CUL9: variants seen among roughly 807,000 people sequenced by gnomAD.
The protein encoded by CUL9 is cullin 9, also known as cullin-9.
CUL9 carries 79 observed loss-of-function variants against 272.6 expected under a neutral mutation model. The observed-to-expected ratio is 0.29, with a 90% CI of 0.24 to 0.35. The LOEUF is 0.35. CUL9 is among the 10% of genes least tolerant of loss of function. CUL9 has a pLI of 1.00. For synonymous variants in CUL9, 1,186 were observed against 1,286.5 expected, an observed-to-expected ratio of 0.92 and a Z score of 1.67; for missense variants, 2,532 against 3,255.6, an observed-to-expected ratio of 0.78 and a Z score of 5.41.
At chr6:43,222,686 T>A in intron 37 of CUL9, 45 bp downstream of exon 37, 1 of 1,606,678 alleles carries the variant, frequency 6.2e-7, no homozygotes, top group Non-Finnish European at 8.5e-7. Flanking sequence ...GTGTGCCAAA[T>A]GGGTCTGGGG....
At chr6:43,209,056 G>C (rs564053426) in intron 26 of CUL9, among the ~76,000 whole-genome samples, 1 of 151,592 alleles carries the variant, frequency 6.6e-6, no homozygotes, top group South Asian at 2.1e-4. Context: ...GGCTGTTCTC[G>C]AACTCCTGCC....
At position 43,199,914 on chromosome 6, in the gene CUL9, TG is replaced by T; in HGVS notation, c.3157-13del. On this transcript the variant is annotated splice_polypyrimidine_tract_variant and intron_variant, in intron 13 of 40. Transcript: ENST00000252050. The surrounding 1 kb of genome is among the most constrained non-coding windows in gnomAD (Gnocchi z 4.4). Reference sequence around the variant, plus strand: ...CTTGTTTCCTGTAAATTAATCTATGTGGCTCTGGGCTCAGATTGTTCAGGAG... The same window carrying T: ...CTTGTTTCCTGTAAATTAATCTATGTGCTCTGGGCTCAGATTGTTCAGGAG... The T allele has an allele frequency of 6.3e-7, 1 of 1,597,930 alleles. No individual in the cohort carries two copies. The highest frequency in any genetic ancestry group is 8.6e-7 in the Non-Finnish European group (1 of 1,165,466).
intron 8 of CUL9, among the ~76,000 whole-genome samples, chr6:43,190,569 C>A (rs1773373500): frequency 6.6e-6 from 1 of 152,136 alleles, no homozygotes; most frequent in Non-Finnish European, 1.5e-5. Flanking sequence ...GCCATTAAGA[C>A]AGAGACAATC....
chr6:43,193,434 A>G lies in CUL9; in HGVS notation c.2388+226A>G, dbSNP rs1375840626. On this transcript the variant is annotated intron_variant, in intron 9 of 40. Coordinates refer to ENST00000252050, the MANE Select transcript of CUL9 (RefSeq NM_015089.4). ...TTTTTGTTGGAGACAGGATCTTGCT[A>G]TGTTGCCCAGACTGATCTTGAACTC... 2.6e-5 allele frequency among the ~76,000 whole-genome samples: 4 copies of G among 152,130 alleles called. No homozygotes were observed. In the South Asian group the frequency reaches 6.2e-4, roughly 24 times the overall value.
chr6:43,224,004 T>C lies in CUL9; in HGVS notation c.7285-91T>C, dbSNP rs1776598970. On this transcript the variant is annotated intron_variant, in intron 39 of 40. Coordinates refer to ENST00000252050, the MANE Select transcript of CUL9 (RefSeq NM_015089.4). The surrounding 1 kb of genome is among the most constrained non-coding windows in gnomAD (Gnocchi z 4.2). ...GAGGGGAGCAGTCCTAGCAGGAGCT[T>C]GGCCCTCCCAGAGCATCAGTGGAAG... 8.1e-7 allele frequency: 1 copy of C among 1,239,538 alleles called. No homozygotes were observed. Among genetic ancestry groups the C allele is most frequent in the African/African-American group, 1.5e-5 (1 of 67,514 alleles). 76.8% of individuals were successfully genotyped at this position (1,239,538 alleles called of 1,614,324 possible).
intron 36 of CUL9, 25 bp downstream of exon 36, chr6:43,222,415 A>T (rs540643432): frequency 1.7e-5 from 21 of 1,223,318 alleles, no homozygotes; most frequent in Non-Finnish European, 2.4e-5. Context: ...AACAGCGGGT[A>T]GATGCCTGCA....
At position 43,184,692 on chromosome 6, in the gene CUL9, A is replaced by G; in HGVS notation, c.382A>G (p.Arg128Gly). The G allele has an allele frequency of 6.2e-7, 1 of 1,613,438 alleles. No individual in the cohort carries two copies. Among genetic ancestry groups the G allele is most frequent in the Non-Finnish European group, 8.5e-7 (1 of 1,179,386 alleles). The change falls in exon 2 of 41, where the codon AGG becomes GGG. Residue 128 changes from arginine to glycine, a missense_variant. By Grantham distance (125) the Arg-to-Gly change is moderately radical. Around this residue, in one of 3 missense-constraint regions of CUL9, gnomAD observed 2,218 missense variants for 2,788.6 expected, o/e 0.80. Coordinates refer to ENST00000252050, the MANE Select transcript of CUL9 (RefSeq NM_015089.4). This position sits in a 1 kb window ranked among gnomAD's most constrained non-coding sequence, Gnocchi z 4.8. ...TCAGGCGCTGGTACGCAGGGCGGCC[A>G]GGCAGCTGGCAGAAAGTGGGACCCC... is the stretch of plus-strand genomic sequence containing the variant. Reference protein sequence around the residue: ...DVQALVRRAARQLAESGTPSL... With the variant: ...DVQALVRRAAGQLAESGTPSL...
At chr6:43,194,515 T>C (rs1366127624) in intron 9 of CUL9, among the ~76,000 whole-genome samples, 1 of 150,158 alleles carries the variant, frequency 6.7e-6, no homozygotes, top group Non-Finnish European at 1.5e-5. Context: ...GAGACGGGGT[T>C]TCACCATGTT....
rs1774847299 is a variant in CUL9 at position 43,203,984 on chromosome 6, C to T, written c.4156C>T (p.Pro1386Ser). 4 of 1,595,942 alleles carry T rather than the reference C, an allele frequency of 2.5e-6. No individual in the cohort carries two copies. The highest frequency in any genetic ancestry group is 2.6e-6 in the Non-Finnish European group (3 of 1,167,816). ...VSPLVQNITS[P>S]DAEGVSALGW... The stretch of plus-strand genomic sequence containing the variant: ...CCCCCTGGTGCAGAACATCACCTCT[C>T]CCGGTAACCATGCTGACACCTGGCC... The change falls in exon 20 of 41, where the codon CCC (proline) becomes TCC (serine). Residue 1386 changes from proline to serine, a missense_variant. Physicochemically the swap from Pro to Ser is moderately conservative, Grantham distance 74. Transcript: ENST00000252050. This position sits in a 1 kb window ranked among gnomAD's most constrained non-coding sequence, Gnocchi z 5.0.
intron 17 of CUL9, 140 bp downstream of exon 17, chr6:43,202,961 G>C: frequency 8.4e-7 from 1 of 1,186,750 alleles, no homozygotes. Flanking sequence ...GTGAGAGTGG[G>C]ATTAGGGATG....
At position 43,221,595 on chromosome 6, in the gene CUL9, GC is replaced by G. The variant is rs1230384254; in HGVS notation, c.6753-89del. ...TATCAGGGCAGGAGCAGAGGCCACA[GC>G]ATCAACAGCGGTACATCTGGGCCCT... On this transcript the variant is annotated intron_variant, in intron 34 of 40. Coordinates refer to ENST00000252050, the MANE Select transcript of CUL9 (RefSeq NM_015089.4). This position sits in a 1 kb window ranked among gnomAD's most constrained non-coding sequence, Gnocchi z 4.2. The G allele has an allele frequency of 9.1e-6, 11 of 1,210,414 alleles. No individual in the cohort carries two copies. The Middle Eastern group carries it at 6.1e-4, about 67-fold the overall frequency. 75.0% of individuals were successfully genotyped at this position (1,210,414 alleles called of 1,614,324 possible). A position where few individuals can be genotyped will look rare whatever the true frequency, so the allele number is the denominator to read the frequency against.
At position 43,184,260 on chromosome 6, in the gene CUL9, TC is replaced by T; in HGVS notation, c.-9-41del. 1 of 1,357,562 alleles carries T rather than the reference TC, an allele frequency of 7.4e-7. No individual in the cohort carries two copies. Among genetic ancestry groups the T allele is most frequent in the Non-Finnish European group, 9.7e-7 (1 of 1,035,262 alleles). 84.1% of individuals were successfully genotyped at this position (1,357,562 alleles called of 1,614,324 possible). A position where few individuals can be genotyped will look rare whatever the true frequency, so the allele number is the denominator to read the frequency against. On this transcript the variant is annotated intron_variant, in intron 1 of 40. Transcript: ENST00000252050. This position sits in a 1 kb window ranked among gnomAD's most constrained non-coding sequence, Gnocchi z 4.8. The stretch of plus-strand genomic sequence containing the variant: ...TTCCACCCCCTCCATGTATTTTTTT[TC>T]TTTTCTCATACTGCCTTATCTTTCT...
At position 43,224,151 on chromosome 6, in the gene CUL9, C is replaced by G. The variant is rs1390145379; in HGVS notation, c.7341C>G (p.Pro2447=). 6.2e-7 allele frequency: 1 copy of G among 1,614,172 alleles called. No homozygotes were observed. Among genetic ancestry groups the G allele is most frequent in the Non-Finnish European group, 8.5e-7 (1 of 1,180,028 alleles). ...PSVEAWEAKG[P]NMPGSQPQAS... is the part of the protein sequence containing the mutation. Reference sequence around the variant, plus strand: ...TAGAGGCCTGGGAGGCAAAAGGACCCAACATGCCTGGCAGTCAGTAAGTGG... The same window carrying G: ...TAGAGGCCTGGGAGGCAAAAGGACCGAACATGCCTGGCAGTCAGTAAGTGG... The change falls in exon 40 of 41, where the codon CCC becomes CCG. Residue 2447 remains proline (P), a synonymous_variant. Transcript: ENST00000252050. This position sits in a 1 kb window ranked among gnomAD's most constrained non-coding sequence, Gnocchi z 4.2.
At position 43,221,723 on chromosome 6, in the gene CUL9, G is replaced by A; in HGVS notation, c.6791G>A (p.Arg2264His). The A allele has an allele frequency of 6.2e-7, 1 of 1,613,720 alleles. No individual in the cohort carries two copies. The highest frequency in any genetic ancestry group is 8.5e-7 in the Non-Finnish European group (1 of 1,180,018). Reference protein sequence around the residue: ...CAKCNHGFCWRCLKSWKPNHK... With the variant: ...CAKCNHGFCWHCLKSWKPNHK... ...AAATGTAACCATGGATTCTGCTGGC[G>A]CTGCCTCAAGTCCTGGAAGCCAAAT... Residue 2264 changes from arginine (R) to histidine (H), a missense_variant, in exon 35 of 41, where the codon CGC (arginine) becomes CAC (histidine). By Grantham distance (29) the Arg-to-His change is conservative. Coordinates refer to ENST00000252050, the MANE Select transcript of CUL9 (RefSeq NM_015089.4). The surrounding 1 kb of genome is among the most constrained non-coding windows in gnomAD (Gnocchi z 4.2).
At position 43,184,938 on chromosome 6, in the gene CUL9, G is replaced by A; in HGVS notation, c.595+33G>A. The A allele has an allele frequency of 6.7e-7, 1 of 1,490,050 alleles. No homozygotes were observed. The allele number at this position is 1,490,050 out of a possible 1,614,324, so 92.3% of individuals were successfully genotyped here. A position where few individuals can be genotyped will look rare whatever the true frequency, so the allele number is the denominator to read the frequency against. The stretch of plus-strand genomic sequence containing the variant: ...ACAGCCAGGGAAGAAGGAAAGGAAT[G>A]GAGAAAATGGGGCCACAGGGAATAA... On this transcript the variant is annotated intron_variant, in intron 2 of 40. Transcript: ENST00000252050. This position sits in a 1 kb window ranked among gnomAD's most constrained non-coding sequence, Gnocchi z 4.8.
chr6:43,188,011 A>C lies in CUL9; in HGVS notation c.1880A>C (p.Lys627Thr). 1.2e-6 allele frequency: 2 copies of C among 1,613,932 alleles called. No individual in the cohort carries two copies. Among genetic ancestry groups the C allele is most frequent in the Non-Finnish European group, 1.7e-6 (2 of 1,180,012 alleles). ...CCTAAGACAGAGGCCGAGCCCACCA[A>C]GACAAGGACCGAGACCCCCATGGCA... ...EAPKTEAEPT[K>T]TRTETPMAQS... The change falls in exon 7 of 41, where the codon AAG (lysine) becomes ACG (threonine). Residue 627 changes from lysine to threonine, a missense_variant. Physicochemically the swap from Lys to Thr is moderately conservative, Grantham distance 78. Transcript: ENST00000252050.
At chr6:43,191,547 G>GT (rs1451416303) in intron 8 of CUL9, among the ~76,000 whole-genome samples, 2 of 142,566 alleles carry the variant, frequency 1.4e-5, no homozygotes, top group Non-Finnish European at 3.0e-5. Flanking sequence ...GCCCAGGCTG[G>GT]TTTCAAACTC....
chr6:43,184,405 A>G lies in CUL9; in HGVS notation c.95A>G (p.His32Arg). ...GAACTCATTCGACAGAGGCCTGGGC[A>G]TGACGGGCATCCTGAATACCTGATC... Reference protein sequence around the residue: ...PEELIRQRPGHDGHPEYLIRW... With the variant: ...PEELIRQRPGRDGHPEYLIRW... Residue 32 changes from histidine to arginine, a missense_variant, in exon 2 of 41, where the codon CAT becomes CGT. Coordinates refer to ENST00000252050, the MANE Select transcript of CUL9 (RefSeq NM_015089.4). The surrounding 1 kb of genome is among the most constrained non-coding windows in gnomAD (Gnocchi z 4.8). The G allele has an allele frequency of 6.2e-7, 1 of 1,613,532 alleles. No homozygotes were observed. Among genetic ancestry groups the G allele is most frequent in the East Asian group, 2.2e-5 (1 of 44,856 alleles).
At position 43,221,520 on chromosome 6, in the gene CUL9, A is replaced by C; in HGVS notation, c.6753-165A>C. On this transcript the variant is annotated intron_variant, in intron 34 of 40. Transcript: ENST00000252050. This position sits in a 1 kb window ranked among gnomAD's most constrained non-coding sequence, Gnocchi z 4.2. ...CTCGTAAGTCCACACTGACTGGGGG[A>C]GTTCAAAAGCAGAGGTGCATTCAGC... The C allele has an allele frequency of 1.2e-6, 1 of 864,990 alleles. No homozygotes were observed. Among genetic ancestry groups the C allele is most frequent in the Admixed American group, 2.6e-5 (1 of 37,990 alleles). 53.6% of individuals were successfully genotyped at this position (864,990 alleles called of 1,614,324 possible). A position where few individuals can be genotyped will look rare whatever the true frequency, so the allele number is the denominator to read the frequency against.
Sources: allele counts gnomAD v4.1 joint callset (sites outside exome capture counted in the v4.1 genomes callset), GRCh38; gene constraint gnomAD v4.1.1; regional missense constraint gnomAD v4.1.1; non-coding constraint Gnocchi (gnomAD v3.1); transcripts MANE v1.5; gene names NCBI Gene and HGNC (gene_info 2026-07-23, HGNC 2026-07-21).